Variants in DPF3 observed in about 807,000 individuals in gnomAD.
DPF3 encodes the protein double PHD fingers 3, also known as zinc finger protein DPF3.
A neutral mutation model predicts 56.8 loss-of-function variants in DPF3; 18 were observed. The ratio of observed to expected loss-of-function variants is 0.32; its 90% CI spans 0.22 to 0.47. DPF3 has a LOEUF of 0.47. DPF3 is among the 20% of genes least tolerant of loss of function. The pLI, the probability that DPF3 is intolerant of heterozygous loss-of-function variation, is 1.00. For missense variants in DPF3, 403 were observed against 488.8 expected (o/e 0.82, Z 1.65); for synonymous variants, 188 against 180.2 (o/e 1.04, Z -0.35).
rs1360133994 is a variant in DPF3 at position 72,616,423 on chromosome 14, G to C, written c.*2874C>G. 6.6e-6 allele frequency among the ~76,000 whole-genome samples: 1 copy of C among 152,126 alleles called. No individual in the cohort carries two copies. Among genetic ancestry groups the C allele is most frequent in the Admixed American group, 6.5e-5 (1 of 15,270 alleles). ...AGCCCATGCAAGTCATGATTTCCTT[G>C]GTCGCAGCCCAGCCCTGGCAATATA... On this transcript the variant is annotated 3_prime_UTR_variant, in exon 11 of 11. Coordinates refer to ENST00000556509, the MANE Select transcript of DPF3 (RefSeq NM_001280542.3).
Position 72,703,581 on chromosome 14 carries a change from G to A in DPF3, c.605-10368C>T, listed in dbSNP as rs146299375. On this transcript the variant is annotated intron_variant, in intron 6 of 10. Transcript: ENST00000556509. ...TGTTTCCTGCCCTGCTGAGAAGCCG[G>A]GTAACAGAATGCAGGTGAACTCGGG... 1.8e-3 allele frequency among the ~76,000 whole-genome samples: 273 copies of A among 152,300 alleles called. 1 individual carries two copies. Among genetic ancestry groups the A allele is most frequent in the African/African-American group, 6.3e-3 (260 of 41,556 alleles).
At chr14:72,764,822 A>G (rs2139928707) in intron 2 of DPF3, among the ~76,000 whole-genome samples, 1 of 152,218 alleles carries the variant, frequency 6.6e-6, no homozygotes, top group East Asian at 1.9e-4. Context: ...ATGATCAAAC[A>G]TGAGGGGCAG....
At chr14:72,759,780 C>T (rs1479824292) in intron 2 of DPF3, among the ~76,000 whole-genome samples, 3 of 151,888 alleles carry the variant, frequency 2.0e-5, no homozygotes, top group Non-Finnish European at 4.4e-5. Context: ...ATATTAAAAG[C>T]AACCAGAGAA....
chr14:72,777,909 C>T (rs898973899), intron 1 of DPF3, among the ~76,000 whole-genome samples: 3 of 152,048 alleles, frequency 2.0e-5, no homozygotes, highest in Non-Finnish European at 4.4e-5. Flanking sequence ...TATAAATTAC[C>T]AAATCTCAGG....
intron 1 of DPF3, among the ~76,000 whole-genome samples, chr14:72,830,895 C>T (rs1489405870): frequency 1.3e-5 from 2 of 152,170 alleles, no homozygotes; most frequent in Admixed American, 6.5e-5. Flanking sequence ...TCCAATCCTG[C>T]TCATGGGAAT....
At chr14:72,620,007 C>T (rs1284872537) in intron 9 of DPF3, 23 bp from the exon 10 acceptor site, 2 of 1,524,850 alleles carry the variant, frequency 1.3e-6, no homozygotes, top group Non-Finnish European at 1.8e-6. Flanking sequence ...AGAGTAAGCA[C>T]AGAGGAGGAG....
chr14:72,653,092 A>G (rs1885964016), intron 8 of DPF3, among the ~76,000 whole-genome samples: 1 of 152,250 alleles, frequency 6.6e-6, no homozygotes, highest in Admixed American at 6.5e-5. Flanking sequence ...TGGGAGTAAC[A>G]TGCAATGGCA....
intron 5 of DPF3, among the ~76,000 whole-genome samples, chr14:72,718,098 C>T (rs758098197): frequency 6.6e-5 from 10 of 152,136 alleles, no homozygotes; most frequent in Non-Finnish European, 1.3e-4. Context: ...CCTTATGGGG[C>T]CATGTACACA....
intron 6 of DPF3, among the ~76,000 whole-genome samples, chr14:72,706,438 A>G (rs1375479762): frequency 6.6e-6 from 1 of 152,242 alleles, no homozygotes; most frequent in Non-Finnish European, 1.5e-5. Context: ...AGAAAGAGAA[A>G]ATAAGACCAA....
rs141928385 is a variant in DPF3 at position 72,739,665 on chromosome 14, C to T, written c.302-7731G>A. 7.2e-4 allele frequency among the ~76,000 whole-genome samples: 109 copies of T among 152,286 alleles called. 2 individuals are homozygous for T. In the East Asian group the frequency reaches 0.015, roughly 21 times the overall value. On this transcript the variant is annotated intron_variant, in intron 3 of 10. Transcript: ENST00000556509. ...AGGATGGAAGAGGCCAAGAATGAGA[C>T]GCAGCTGGAAAGCAGACGCTGGTGC... is the stretch of plus-strand genomic sequence containing the variant.
At chr14:72,631,794 C>G (rs975741023) in intron 8 of DPF3, among the ~76,000 whole-genome samples, 3 of 152,220 alleles carry the variant, frequency 2.0e-5, no homozygotes, top group African/African-American at 7.2e-5. Context: ...CTATCAACTA[C>G]AATTGTATAA....
chr14:72,704,750 G>A (rs1888333563), intron 6 of DPF3, among the ~76,000 whole-genome samples: 1 of 152,152 alleles, frequency 6.6e-6, no homozygotes, highest in South Asian at 2.1e-4. Flanking sequence ...CCAAGTGCAA[G>A]ATGTCAAGAG....
At chr14:72,714,597 C>T in intron 5 of DPF3, 96 bp from the exon 6 acceptor site, 2 of 1,429,486 alleles carry the variant, frequency 1.4e-6, no homozygotes, top group Non-Finnish European at 1.9e-6. Flanking sequence ...GTCTTCATCC[C>T]AACTTTTGTG....
At chr14:72,761,226 T>C (rs919417924) in intron 2 of DPF3, among the ~76,000 whole-genome samples, 3 of 152,126 alleles carry the variant, frequency 2.0e-5, no homozygotes, top group Non-Finnish European at 4.4e-5. Context: ...CAATTTGACC[T>C]AATTGATATT....
chr14:72,875,585 C>T (rs1599517310), intron 1 of DPF3, among the ~76,000 whole-genome samples: 2 of 152,252 alleles, frequency 1.3e-5, no homozygotes, highest in East Asian at 3.8e-4. Context: ...AACCCAAACT[C>T]TCTGGCTCCA....
intron 2 of DPF3, among the ~76,000 whole-genome samples, chr14:72,759,437 G>C (rs544012652): frequency 1.3e-5 from 2 of 152,248 alleles, no homozygotes; most frequent in African/African-American, 4.8e-5. Context: ...GGGAGGCCAA[G>C]GTGGAAGAAT....
intron 8 of DPF3, among the ~76,000 whole-genome samples, chr14:72,649,900 C>T (rs1016653565): frequency 4.6e-5 from 7 of 152,220 alleles, no homozygotes; most frequent in Non-Finnish European, 8.8e-5. Flanking sequence ...TTCCAACCAA[C>T]ATCCATGCAA....
At chr14:72,676,702 C>T (rs912757871) in intron 7 of DPF3, among the ~76,000 whole-genome samples, 2 of 152,322 alleles carry the variant, frequency 1.3e-5, no homozygotes, top group South Asian at 2.1e-4. Context: ...TGCTCTCTTG[C>T]CTGCTGCCAT....
intron 7 of DPF3, among the ~76,000 whole-genome samples, chr14:72,686,250 A>C (rs372601208): frequency 3.9e-5 from 6 of 152,376 alleles, no homozygotes; most frequent in East Asian, 3.9e-4. Context: ...ACATGGGCTC[A>C]GATGGAACCA....
Sources: gnomAD v4.1 joint callset for allele counts (sites outside exome capture counted in the v4.1 genomes callset) on GRCh38, gnomAD v4.1.1 for gene constraint, MANE v1.5 for transcripts, NCBI Gene and HGNC (gene_info 2026-07-23, HGNC 2026-07-21) for gene names.